The following PLEKHA5 variants were observed in gnomAD, a reference collection of about 807,000 sequenced individuals.
The protein encoded by PLEKHA5 is pleckstrin homology domain containing A5.
PLEKHA5 carries 55 observed loss-of-function variants against 181.9 expected under a neutral mutation model. That is an observed-to-expected ratio of 0.30 (90% CI 0.24 to 0.38). The LOEUF (loss-of-function observed/expected upper bound fraction) is 0.38. PLEKHA5 is among the 10% of genes least tolerant of loss of function. PLEKHA5 has a pLI of 1.00. For synonymous variants in PLEKHA5, 535 were observed against 529.4 expected (o/e 1.01, Z -0.15); for missense variants, 1,432 against 1,549.5 (o/e 0.92, Z 1.27).
At chr12:19,205,945 T>A (rs1444150249) in intron 3 of PLEKHA5, among the ~76,000 whole-genome samples, 2 of 152,112 alleles carry the variant, frequency 1.3e-5, no homozygotes, top group Admixed American at 1.3e-4. Context: ...AAAGGTCGTT[T>A]AAAAATGAAA....
At chr12:19,346,333 T>C (rs1288088477) in intron 23 of PLEKHA5, among the ~76,000 whole-genome samples, 1 of 152,110 alleles carries the variant, frequency 6.6e-6, no homozygotes, top group South Asian at 2.1e-4. Flanking sequence ...GGTAACTTTT[T>C]TTTTTCCTCT....
intron 3 of PLEKHA5, chr12:19,151,349 T>G (rs915112003): frequency 3.9e-5 from 6 of 152,160 alleles, no homozygotes; most frequent in Admixed American, 2.0e-4. Context: ...CCTTGTAGGG[T>G]TAATGCCAGG....
At chr12:19,183,630 C>G (rs2049111764) in intron 3 of PLEKHA5, among the ~76,000 whole-genome samples, 6 of 152,212 alleles carry the variant, frequency 3.9e-5, no homozygotes, top group Admixed American at 3.9e-4. Flanking sequence ...TCAGTCTGCT[C>G]TGCCCCAAAA....
chr12:19,200,287 A>C, intron 3 of PLEKHA5: 1 of 1,462,944 alleles, frequency 6.8e-7, no homozygotes, highest in Non-Finnish European at 9.2e-7. Flanking sequence ...AAAAAATTTA[A>C]ACATTAAAAC....
At chr12:19,268,302 C>G (rs962053951) in intron 8 of PLEKHA5, among the ~76,000 whole-genome samples, 1 of 152,126 alleles carries the variant, frequency 6.6e-6, no homozygotes, top group Non-Finnish European at 1.5e-5. Flanking sequence ...TGTTGCTTAT[C>G]AATTTAGCAA....
intron 11 of PLEKHA5, among the ~76,000 whole-genome samples, chr12:19,275,831 A>G (rs2074359492): frequency 6.6e-6 from 1 of 152,190 alleles, no homozygotes; most frequent in Non-Finnish European, 1.5e-5. Context: ...CCTTTTCTTA[A>G]TATATTTATT....
intron 10 of PLEKHA5, 41 bp from the exon 11 acceptor site, chr12:19,274,475 T>C (rs774614833): frequency 2.2e-6 from 3 of 1,349,028 alleles, no homozygotes; most frequent in Non-Finnish European, 3.1e-6. Context: ...ATATGTACAT[T>C]ATTTCATCTG....
intron 8 of PLEKHA5, among the ~76,000 whole-genome samples, chr12:19,267,528 T>C (rs4963550): frequency 0.86 from 130,710 of 151,742 alleles, 57,785 homozygotes; most frequent in Middle Eastern, 0.98. Flanking sequence ...GACATTGTGG[T>C]GCTTGCCTAT....
At chr12:19,234,568 C>G (rs1455253648) in intron 3 of PLEKHA5, among the ~76,000 whole-genome samples, 1 of 152,306 alleles carries the variant, frequency 6.6e-6, no homozygotes, top group South Asian at 2.1e-4. Context: ...CACATCCCTG[C>G]TGATTCGATG....
At chr12:19,235,396 C>T (rs549148156) in intron 3 of PLEKHA5, among the ~76,000 whole-genome samples, 2 of 152,126 alleles carry the variant, frequency 1.3e-5, no homozygotes, top group Admixed American at 6.5e-5. Context: ...AAATGGTTTG[C>T]CCATACACTG....
chr12:19,302,571 T>A (rs919007522), intron 15 of PLEKHA5, among the ~76,000 whole-genome samples: 3 of 151,850 alleles, frequency 2.0e-5, no homozygotes, highest in African/African-American at 7.3e-5. Context: ...AATTTTGGTA[T>A]TTTTTATTAG....
intron 7 of PLEKHA5, among the ~76,000 whole-genome samples, chr12:19,264,668 C>G (rs2069698901): frequency 6.6e-6 from 1 of 152,002 alleles, no homozygotes; most frequent in Non-Finnish European, 1.5e-5. Context: ...ATGAGAAAAG[C>G]TATTGAAAAA....
chr12:19,363,369 C>T (rs187012116), intron 29 of PLEKHA5, among the ~76,000 whole-genome samples: 8 of 151,522 alleles, frequency 5.3e-5, no homozygotes, highest in Non-Finnish European at 7.4e-5. Flanking sequence ...GGGGTTTCAC[C>T]GTGTTAGCCA....
intron 7 of PLEKHA5, among the ~76,000 whole-genome samples, chr12:19,264,286 G>A (rs1298307704): frequency 6.6e-6 from 1 of 151,942 alleles, no homozygotes; most frequent in African/African-American, 2.4e-5. Context: ...GCAGGAAAAC[G>A]GCCTCACGTA....
chr12:19,359,739 G>A (rs1233615419), intron 28 of PLEKHA5, among the ~76,000 whole-genome samples, 193 bp downstream of exon 28: 2 of 151,930 alleles, frequency 1.3e-5, no homozygotes, highest in Admixed American at 6.6e-5. Context: ...TGAGGCAGGC[G>A]AATCACGAGG....
chr12:19,343,351 A>G lies in PLEKHA5; in HGVS notation c.2579A>G (p.Gln860Arg). The change falls in exon 22 of 32, where the codon CAG (glutamine) becomes CGG (arginine). Residue 860 changes from glutamine (Q) to arginine (R), a missense_variant. By Grantham distance (43) the Gln-to-Arg change is conservative. Transcript: ENST00000429027. ...GAATCAGCAGGAATTCAGCGTGCACAGATTCAGAAAGAACTTTGGCGAATT... is the reference window on the plus strand; with the variant it reads ...GAATCAGCAGGAATTCAGCGTGCACGGATTCAGAAAGAACTTTGGCGAATT... ...QTESAGIQRA[Q>R]IQKELWRIQD... 4.3e-6 allele frequency: 7 copies of G among 1,613,670 alleles called. No individual in the cohort carries two copies. The highest frequency in any genetic ancestry group is 5.9e-6 in the Non-Finnish European group (7 of 1,179,580).
chr12:19,334,651 G>A (rs979784235), intron 20 of PLEKHA5, among the ~76,000 whole-genome samples: 1 of 150,830 alleles, frequency 6.6e-6, no homozygotes, highest in Non-Finnish European at 1.5e-5. Context: ...ATTAATTTTT[G>A]TTAAAGGAAA....
intron 20 of PLEKHA5, among the ~76,000 whole-genome samples, chr12:19,334,816 C>G (rs1592530385): frequency 5.5e-4 from 1 of 1,834 alleles, no homozygotes; most frequent in African/African-American, 8.1e-4. Context: ...ATCCTGTCTT[C>G]ACAAAAAAAA....
At chr12:19,302,112 C>T (rs916313853) in intron 15 of PLEKHA5, among the ~76,000 whole-genome samples, 6 of 152,238 alleles carry the variant, frequency 3.9e-5, no homozygotes, top group Admixed American at 1.3e-4. Context: ...TCTGTGATTA[C>T]GCTATGGAGT....
Sources: gnomAD v4.1 joint callset for allele counts (sites outside exome capture counted in the v4.1 genomes callset) on GRCh38, gnomAD v4.1.1 for gene constraint, MANE v1.5 for transcripts, NCBI Gene and HGNC (gene_info 2026-07-23, HGNC 2026-07-21) for gene names.